Variants in SLC2A5 observed in about 807,000 individuals in gnomAD.
SLC2A5 encodes solute carrier family 2 member 5.
SLC2A5 carries 56 observed loss-of-function variants against 50.3 expected under a neutral mutation model. The ratio of observed to expected loss-of-function variants is 1.11; its 90% CI spans 0.90 to 1.39. The LOEUF is 1.39. SLC2A5 is among the 40% of genes most tolerant of loss of function. The pLI, the probability that SLC2A5 is intolerant of heterozygous loss-of-function variation, is 0.00. For synonymous variants in SLC2A5, 269 were observed against 281.9 expected (o/e 0.95, Z 0.46); for missense variants, 566 against 650.1 (o/e 0.87, Z 1.41).
intron 2 of SLC2A5, among the ~76,000 whole-genome samples, chr1:9,075,951 G>A (rs577770938): frequency 6.7e-6 from 1 of 148,484 alleles, no homozygotes; most frequent in African/African-American, 2.5e-5. Flanking sequence ...GTGAGCCACC[G>A]CGCCCGGCAT....
intron 2 of SLC2A5, among the ~76,000 whole-genome samples, chr1:9,074,849 C>A (rs918528579): frequency 4.6e-5 from 7 of 151,972 alleles, no homozygotes; most frequent in African/African-American, 1.5e-4. Flanking sequence ...CACAGTGAGA[C>A]CTTATCTCTA....
intron 4 of SLC2A5, among the ~76,000 whole-genome samples, chr1:9,046,975 T>TTCTCTC (rs149740983): frequency 2.7e-5 from 4 of 148,530 alleles, no homozygotes; most frequent in African/African-American, 4.9e-5. Context: ...GCAGTTTCCC[T>TTCTCTC]TCTCTCTCTC....
At chr1:9,071,131 C>G (rs938021658), upstream of SLC2A5, among the ~76,000 whole-genome samples, 24 of 152,110 alleles carry the variant, frequency 1.6e-4, no homozygotes, top group Non-Finnish European at 2.9e-4. Context: ...AGAATCCGGC[C>G]GGGCGCGGTG....
At chr1:9,056,657 T>C (rs979331417) in intron 3 of SLC2A5, among the ~76,000 whole-genome samples, 3 of 152,140 alleles carry the variant, frequency 2.0e-5, no homozygotes, top group African/African-American at 7.2e-5. Flanking sequence ...TCTTCCATAA[T>C]GTCCATGGAA....
chr1:9,061,467 G>A (rs1256169604), intron 1 of SLC2A5, among the ~76,000 whole-genome samples: 1 of 141,494 alleles, frequency 7.1e-6, no homozygotes, highest in Non-Finnish European at 1.5e-5. Flanking sequence ...TTAGCTGGGT[G>A]TGGTGGCACA....
rs10864382 is a variant in SLC2A5 at position 9,035,551 on chromosome 1, T to C, written c.*2035A>G. 0.4 allele frequency: 61,514 copies of C among 152,234 alleles called. 13,103 individuals carry two copies. The highest frequency in any genetic ancestry group is 0.65 in the East Asian group (3,375 of 5,186). 9.4% of individuals were successfully genotyped at this position (152,234 alleles called of 1,614,324 possible). On this transcript the variant is annotated 3_prime_UTR_variant, in exon 12 of 12. Transcript: ENST00000377424. ...CTGCTCTCTCTCCCGGCCACCAGCC[T>C]CTGCCACCCATCTATGAGAAGACAT...
chr1:9,050,424 C>T (rs1382533380), intron 3 of SLC2A5, among the ~76,000 whole-genome samples: 1 of 151,830 alleles, frequency 6.6e-6, no homozygotes, highest in Non-Finnish European at 1.5e-5. Context: ...TGTCACTGCA[C>T]TCAGCCTGGG....
intron 1 of SLC2A5, among the ~76,000 whole-genome samples, chr1:9,087,235 T>G (rs1051006939): frequency 6.6e-6 from 1 of 150,450 alleles, no homozygotes; most frequent in African/African-American, 2.5e-5. Context: ...GACAGAGCCT[T>G]GCTCTGTCGC....
chr1:9,081,261 G>GA (rs869191087), intron 2 of SLC2A5, among the ~76,000 whole-genome samples: 922 of 25,112 alleles, frequency 0.037, 13 homozygotes, highest in Non-Finnish European at 0.047. Context: ...CCTTGTTTCA[G>GA]AAAAAAAAAA....
rs996110198 is a variant in SLC2A5 at position 9,043,071 on chromosome 1, G to T, written c.419-1134C>A. 4.3e-4 allele frequency among the ~76,000 whole-genome samples: 65 copies of T among 152,094 alleles called. 1 individual carries two copies. Among genetic ancestry groups the T allele is most frequent in the Non-Finnish European group, 2.6e-4 (18 of 68,014 alleles). On this transcript the variant is annotated intron_variant, in intron 4 of 11. Coordinates refer to ENST00000377424, the MANE Select transcript of SLC2A5 (RefSeq NM_003039.3). ...CTTCCAAAGTATTTTCACATATATT[G>T]CCCTATTTAATTCTCCTAAAAGCAC...
At position 9,040,231 on chromosome 1, in the gene SLC2A5, C is replaced by A; in HGVS notation, c.572-42G>T. The A allele has an allele frequency of 6.5e-7, 1 of 1,535,930 alleles. No homozygotes were observed. The highest frequency in any genetic ancestry group is 8.7e-7 in the Non-Finnish European group (1 of 1,144,288). On this transcript the variant is annotated intron_variant, in intron 5 of 11. Coordinates refer to ENST00000377424, the MANE Select transcript of SLC2A5 (RefSeq NM_003039.3). This position sits in a 1 kb window ranked among gnomAD's most constrained non-coding sequence, Gnocchi z 4.3. ...GAGCTGGCACCAGCGGCCTCCCCAC[C>A]ACCCCGAAGGCGCCCTCTGCAGAGC...
intron 2 of SLC2A5, among the ~76,000 whole-genome samples, chr1:9,081,282 C>T (rs12074074): frequency 1.2e-5 from 1 of 80,118 alleles, no homozygotes; most frequent in Non-Finnish European, 2.2e-5. Context: ...AAAAAAAACC[C>T]CAAAAAAAAA....
chr1:9,094,096 G>T, the SLC2A5 span, among the ~76,000 whole-genome samples: 1 of 152,154 alleles, frequency 6.6e-6, no homozygotes, highest in East Asian at 1.9e-4. Flanking sequence ...TCCCTGTAGG[G>T]TTCTTAACTT....
intron 4 of SLC2A5, 67 bp from the exon 5 acceptor site, chr1:9,042,004 G>C: frequency 6.8e-7 from 1 of 1,480,808 alleles, no homozygotes; most frequent in Non-Finnish European, 9.0e-7. Flanking sequence ...CTGTCTTCAA[G>C]TATACTATTC....
the SLC2A5 span, among the ~76,000 whole-genome samples, chr1:9,093,982 A>G: frequency 5.1e-4 from 77 of 152,296 alleles, no homozygotes; most frequent in African/African-American, 1.7e-3. Context: ...ACAACTCCCT[A>G]GAACACCTTA....
chr1:9,047,824 C>A, intron 3 of SLC2A5, 90 bp from the exon 4 acceptor site: 2 of 1,384,266 alleles, frequency 1.4e-6, no homozygotes, highest in Non-Finnish European at 2.0e-6. Context: ...TGCATAGGCT[C>A]CAGCAGTTAC....
intron 4 of SLC2A5, among the ~76,000 whole-genome samples, chr1:9,042,159 A>G (rs1557663697): frequency 6.6e-6 from 1 of 152,202 alleles, no homozygotes; most frequent in Non-Finnish European, 1.5e-5. Flanking sequence ...GCTTTGGCCC[A>G]TATCATCTGG....
At chr1:9,083,279 T>C (rs1052274670) in intron 2 of SLC2A5, among the ~76,000 whole-genome samples, 1 of 152,164 alleles carries the variant, frequency 6.6e-6, no homozygotes, top group African/African-American at 2.4e-5. Context: ...AAAGTGCACA[T>C]TTTTCTCCAC....
Position 9,035,230 on chromosome 1 carries a change from A to G in SLC2A5, c.*2356T>C, listed in dbSNP as rs139584602. 2.1e-3 allele frequency: 314 copies of G among 152,370 alleles called. 2 individuals are homozygous for G. Among genetic ancestry groups the G allele is most frequent in the African/African-American group, 7.3e-3 (305 of 41,592 alleles). 9.4% of individuals were successfully genotyped at this position (152,370 alleles called of 1,614,324 possible). A position where few individuals can be genotyped will look rare whatever the true frequency, so the allele number is the denominator to read the frequency against. On this transcript the variant is annotated 3_prime_UTR_variant, in exon 12 of 12. Coordinates refer to ENST00000377424, the MANE Select transcript of SLC2A5 (RefSeq NM_003039.3). ...TTGCACAACTAATGTGGCAGGACCA[A>G]GGTTTGAACCCAGGGAGCAGACATC...
Sources: gnomAD v4.1 joint callset for allele counts (sites outside exome capture counted in the v4.1 genomes callset) on GRCh38, gnomAD v4.1.1 for gene constraint, Gnocchi (gnomAD v3.1) non-coding constraint, MANE v1.5 for transcripts, NCBI Gene and HGNC (gene_info 2026-07-23, HGNC 2026-07-21) for gene names.